The following PSMD1 variants were observed in gnomAD, a reference collection of about 807,000 sequenced individuals.
The protein encoded by PSMD1 is 26S proteasome non-ATPase regulatory subunit 1.
In PSMD1, 18 loss-of-function variants were observed where a neutral mutation model predicts 119.0. That is an observed-to-expected ratio of 0.15 (90% confidence interval 0.10 to 0.22). The LOEUF is 0.22. PSMD1 is among the 10% of genes least tolerant of loss of function. The pLI, the probability that PSMD1 is intolerant of heterozygous loss-of-function variation, is 1.00. For synonymous variants in PSMD1, 374 were observed against 396.6 expected (o/e 0.94, Z 0.68); for missense variants, 702 against 1,158.5 (o/e 0.61, Z 5.72).
At chr2:231,127,706 C>T (rs1039809082) in intron 16 of PSMD1, among the ~76,000 whole-genome samples, 3 of 152,150 alleles carry the variant, frequency 2.0e-5, no homozygotes, top group Non-Finnish European at 4.4e-5. Flanking sequence ...GTGATGACTT[C>T]TGTGTACTTA....
chr2:231,108,374 A>T, intron 16 of PSMD1: 1 of 643,240 alleles, frequency 1.6e-6, no homozygotes, highest in Non-Finnish European at 2.6e-6. Context: ...TAGGAAAATT[A>T]GATATTCTTA....
intron 16 of PSMD1, among the ~76,000 whole-genome samples, chr2:231,125,645 T>C (rs1486777262): frequency 1.3e-5 from 2 of 152,206 alleles, no homozygotes; most frequent in Non-Finnish European, 2.9e-5. Flanking sequence ...GTTCACAGCT[T>C]TTTTTCCCCA....
chr2:231,064,675 CTGTT>C (rs766611250), intron 4 of PSMD1, among the ~76,000 whole-genome samples: 12 of 152,010 alleles, frequency 7.9e-5, no homozygotes, highest in Non-Finnish European at 1.2e-4. Flanking sequence ...TTTTGTTTGT[CTGTT>C]TGTTTTTTGG....
At chr2:231,062,465 CCA>C (rs758747074) in intron 3 of PSMD1, 39 bp from the exon 4 acceptor site, 7 of 1,563,312 alleles carry the variant, frequency 4.5e-6, no homozygotes, top group Admixed American at 1.9e-5. Flanking sequence ...TTAGGGAAAA[CCA>C]CAGTTTGAAC....
chr2:231,165,034 T>TTTTTTATA (rs1418024804), intron 21 of PSMD1, 166 bp from the exon 22 acceptor site: 1 of 21,838 alleles, frequency 4.6e-5, no homozygotes, highest in Non-Finnish European at 7.6e-5. Flanking sequence ...TTATATATAT[T>TTTTTTATA]TATATATATA....
intron 16 of PSMD1, among the ~76,000 whole-genome samples, chr2:231,134,973 A>G (rs1163972342): frequency 6.6e-6 from 1 of 152,234 alleles, no homozygotes; most frequent in African/African-American, 2.4e-5. Context: ...ATTAAGTAAT[A>G]AAAATTATTT....
rs1696773693 is a variant in PSMD1, at chr2:231,166,032, A to G, written c.2715+15A>G. On this transcript the variant is annotated intron_variant, in intron 23 of 24. Coordinates refer to ENST00000308696, the MANE Select transcript of PSMD1 (RefSeq NM_002807.4). Reference sequence around the variant, plus strand: ...CTTTCAAACCAGTAAGTTACCAGTGACTCTTAGCTGTATATACCAGTGGGA... The same window carrying G: ...CTTTCAAACCAGTAAGTTACCAGTGGCTCTTAGCTGTATATACCAGTGGGA... 1 of 1,607,944 alleles carries G rather than the reference A, an allele frequency of 6.2e-7. No individual in the cohort carries two copies. Among genetic ancestry groups the G allele is most frequent in the African/African-American group, 1.3e-5 (1 of 74,512 alleles).
intron 4 of PSMD1, among the ~76,000 whole-genome samples, chr2:231,063,517 T>A (rs1693811108): frequency 6.6e-6 from 1 of 152,224 alleles, no homozygotes; most frequent in Non-Finnish European, 1.5e-5. Flanking sequence ...CTTGAACACT[T>A]ACAAGGAGGA....
At chr2:231,062,122 T>A (rs1693775423) in intron 2 of PSMD1, 126 bp from the exon 3 acceptor site, 1 of 602,616 alleles carries the variant, frequency 1.7e-6, no homozygotes, top group Non-Finnish European at 2.9e-6. Flanking sequence ...ATTTTTATAT[T>A]TGTCATAGAG....
intron 16 of PSMD1, among the ~76,000 whole-genome samples, chr2:231,090,343 A>G (rs1412877530): frequency 6.6e-6 from 1 of 152,178 alleles, no homozygotes; most frequent in African/African-American, 2.4e-5. Context: ...GGAGTTTGAG[A>G]CCAGCCTGGC....
At chr2:231,117,077 G>C (rs1045395079) in intron 16 of PSMD1, among the ~76,000 whole-genome samples, 27 of 152,080 alleles carry the variant, frequency 1.8e-4, no homozygotes, top group African/African-American at 3.1e-4. Context: ...GCTTTTCCTA[G>C]TCTAGAGACT....
intron 17 of PSMD1, among the ~76,000 whole-genome samples, chr2:231,139,558 TA>T (rs35924284): frequency 0.016 from 1,872 of 114,310 alleles, 20 homozygotes; most frequent in Non-Finnish European, 0.025. Flanking sequence ...ATTGATTTCT[TA>T]AAAAAAAAAA....
intron 16 of PSMD1, chr2:231,123,608 T>C (rs754864534): frequency 4.3e-6 from 7 of 1,614,164 alleles, no homozygotes; most frequent in Non-Finnish European, 2.5e-6. Context: ...CAGTGCAGTT[T>C]ATTTCCCTGT....
At chr2:231,067,407 G>A (rs931018894) in intron 5 of PSMD1, among the ~76,000 whole-genome samples, 2 of 152,104 alleles carry the variant, frequency 1.3e-5, no homozygotes, top group Non-Finnish European at 2.9e-5. Flanking sequence ...GCATTTATTA[G>A]GGTTAAAACT....
intron 17 of PSMD1, 180 bp downstream of exon 17, chr2:231,139,030 A>G: frequency 1.4e-6 from 1 of 691,730 alleles, no homozygotes; most frequent in Non-Finnish European, 2.7e-6. Context: ...AAAGCTGCTT[A>G]AGAATAAATC....
intron 19 of PSMD1, 58 bp downstream of exon 19, chr2:231,153,724 T>C: frequency 8.4e-7 from 1 of 1,184,434 alleles, no homozygotes; most frequent in Non-Finnish European, 1.2e-6. Context: ...ATAAAATAAC[T>C]ATCTGCTCTA....
chr2:231,096,854 C>T (rs1028327527), intron 16 of PSMD1, among the ~76,000 whole-genome samples: 3 of 151,972 alleles, frequency 2.0e-5, no homozygotes, highest in South Asian at 2.1e-4. Flanking sequence ...AGCGCTTTGG[C>T]GGGAGTCAGG....
chr2:231,079,335 T>C (rs1574712613), intron 10 of PSMD1, among the ~76,000 whole-genome samples: 1 of 152,294 alleles, frequency 6.6e-6, no homozygotes, highest in East Asian at 1.9e-4. Context: ...TATAGTAGAA[T>C]TACGTATCGT....
Position 231,165,232 on chromosome 2 carries a change from G to A in PSMD1, c.2514G>A (p.Lys838=), listed in dbSNP as rs761956561. Reference sequence around the variant, plus strand: ...CTGCTGTATTATCTATAACTGCCAAGGCTAAAAAGAAGGAAAAAGAAAAGG... The same window carrying A: ...CTGCTGTATTATCTATAACTGCCAAAGCTAAAAAGAAGGAAAAAGAAAAGG... The part of the protein sequence containing the change: ...VSTAVLSITA[K]AKKKEKEKEK... Residue 838 remains lysine (K), a synonymous_variant, in exon 22 of 25, where the codon AAG becomes AAA. Coordinates refer to ENST00000308696, the MANE Select transcript of PSMD1 (RefSeq NM_002807.4). 3.9e-5 allele frequency: 62 copies of A among 1,607,296 alleles called. No homozygotes were observed. Among genetic ancestry groups the A allele is most frequent in the Non-Finnish European group, 5.0e-5 (59 of 1,175,922 alleles).
Sources: gnomAD v4.1 joint callset for allele counts (sites outside exome capture counted in the v4.1 genomes callset) on GRCh38, gnomAD v4.1.1 for gene constraint, MANE v1.5 for transcripts, NCBI Gene and HGNC (gene_info 2026-07-23, HGNC 2026-07-21) for gene names.